PCDHA12: variants seen among roughly 807,000 people sequenced by gnomAD.
PCDHA12 encodes the protein protocadherin alpha-12.
A neutral mutation model predicts 60.0 loss-of-function variants in PCDHA12; 44 were observed. The observed-to-expected ratio is 0.73, with a 90% CI of 0.58 to 0.94. The LOEUF is 0.94. PCDHA12 is among the 40% of genes least tolerant of loss of function. The pLI is 0.00. For missense variants in PCDHA12, 1,276 were observed against 1,239.7 expected (o/e 1.03, Z -0.44); for synonymous variants, 569 against 553.0 (o/e 1.03, Z -0.40).
intron 1 of PCDHA12, among the ~76,000 whole-genome samples, chr5:140,902,333 T>C (rs1248113110): frequency 6.6e-6 from 1 of 151,758 alleles, no homozygotes; most frequent in Non-Finnish European, 1.5e-5. Context: ...TCACTTCGCC[T>C]GGCCTAGGAA....
chr5:140,957,327 A>G (rs1554222920), intron 1 of PCDHA12, among the ~76,000 whole-genome samples: 1 of 152,182 alleles, frequency 6.6e-6, no homozygotes, highest in East Asian at 1.9e-4. Context: ...AGCACAGTAC[A>G]GTAAGATATT....
intron 1 of PCDHA12, among the ~76,000 whole-genome samples, chr5:140,900,829 A>G (rs2068324648): frequency 6.6e-6 from 1 of 152,110 alleles, no homozygotes; most frequent in Non-Finnish European, 1.5e-5. Context: ...TCCCACCAAC[A>G]ATGTACAAAG....
chr5:140,978,406 T>C (rs1268497033), intron 1 of PCDHA12, among the ~76,000 whole-genome samples: 1 of 152,206 alleles, frequency 6.6e-6, no homozygotes, highest in African/African-American at 2.4e-5. Context: ...CCCTCTTCAA[T>C]CAGAAAAGAG....
At chr5:140,955,397 A>T (rs1470827673) in intron 1 of PCDHA12, among the ~76,000 whole-genome samples, 19 of 152,128 alleles carry the variant, frequency 1.2e-4, no homozygotes, top group Admixed American at 1.1e-3. Context: ...CAATTATCCC[A>T]TACAGTTCTC....
At chr5:140,981,191 G>A (rs2096922052) in intron 2 of PCDHA12, among the ~76,000 whole-genome samples, 2 of 152,178 alleles carry the variant, frequency 1.3e-5, no homozygotes, top group South Asian at 4.1e-4. Context: ...AAGTTTGCCT[G>A]CTCTGTTGCC....
At position 140,967,080 on chromosome 5, in the gene PCDHA12, T is replaced by C. The variant is rs781942171; in HGVS notation, c.2368-11869T>C. On this transcript the variant is annotated intron_variant, in intron 1 of 3. Transcript: ENST00000398631. The stretch of plus-strand genomic sequence containing the variant: ...GGAGCGCTCTTCGTCAACGAGCGCA[T>C]TGATCGGGAGGCGCTGTGTGAGCAG... 168 of 1,613,222 alleles carry C rather than the reference T, an allele frequency of 1.0e-4. No homozygotes were observed. The highest frequency in any genetic ancestry group is 3.7e-4 in the Admixed American group (22 of 60,010).
chr5:140,889,120 T>G (rs1335268200), intron 1 of PCDHA12, among the ~76,000 whole-genome samples: 1 of 151,966 alleles, frequency 6.6e-6, no homozygotes, highest in Non-Finnish European at 1.5e-5. Context: ...CAGGTGATAC[T>G]GATATGTCCT....
chr5:140,981,407 C>G (rs1410838924), intron 2 of PCDHA12, among the ~76,000 whole-genome samples: 1 of 152,042 alleles, frequency 6.6e-6, no homozygotes, highest in Non-Finnish European at 1.5e-5. Flanking sequence ...AAACCTGTCT[C>G]TACTAAAAAT....
intron 3 of PCDHA12, among the ~76,000 whole-genome samples, chr5:140,993,683 G>A (rs2097577653): frequency 6.6e-6 from 1 of 152,080 alleles, no homozygotes; most frequent in Non-Finnish European, 1.5e-5. Flanking sequence ...TGTGACAGCT[G>A]TCCCATAAGA....
At chr5:140,887,442 T>C (rs2061450115) in intron 1 of PCDHA12, among the ~76,000 whole-genome samples, 1 of 152,180 alleles carries the variant, frequency 6.6e-6, no homozygotes, top group Non-Finnish European at 1.5e-5. Context: ...CTGGGCATAG[T>C]TGACAGTTTT....
At chr5:140,909,101 G>C (rs1242179195) in intron 1 of PCDHA12, among the ~76,000 whole-genome samples, 1 of 152,122 alleles carries the variant, frequency 6.6e-6, no homozygotes, top group Non-Finnish European at 1.5e-5. Flanking sequence ...CACTCACTGG[G>C]TCCAATCAGC....
chr5:140,919,649 T>C (rs1252944920), intron 1 of PCDHA12, among the ~76,000 whole-genome samples: 1 of 152,202 alleles, frequency 6.6e-6, no homozygotes, highest in African/African-American at 2.4e-5. Flanking sequence ...TTCTCTAGAG[T>C]TTACCATATA....
chr5:140,883,822 C>T, intron 1 of PCDHA12: 2 of 1,612,484 alleles, frequency 1.2e-6, no homozygotes, highest in Non-Finnish European at 1.7e-6. Flanking sequence ...GCAAGGTGTA[C>T]GCGCTGCAGC....
chr5:140,932,875 T>G (rs935730456), intron 1 of PCDHA12, among the ~76,000 whole-genome samples: 9 of 151,998 alleles, frequency 5.9e-5, no homozygotes, highest in African/African-American at 1.7e-4. Flanking sequence ...TTTGTTGTCT[T>G]CAATATTTTC....
rs1462172871 is a variant in PCDHA12 at position 140,876,767 on chromosome 5, C to G, written c.1295C>G (p.Ser432Trp). The change falls in exon 1 of 4, where the codon TCG becomes TGG. Residue 432 changes from serine (S) to tryptophan (W), a missense_variant. Transcript: ENST00000398631. ...GTGGTGACTGCGCGGGATGGGGGCT[C>G]GCCTTCGCTGTGGGCCACGGCTAGA... ...ELVVTARDGG[S>W]PSLWATARVS... The G allele has an allele frequency of 6.2e-7, 1 of 1,614,076 alleles. No homozygotes were observed.
At chr5:140,926,129 G>C (rs2082926412) in intron 1 of PCDHA12, among the ~76,000 whole-genome samples, 1 of 152,178 alleles carries the variant, frequency 6.6e-6, no homozygotes, top group African/African-American at 2.4e-5. Flanking sequence ...ACTTCAACCC[G>C]CAGCAGGATC....
At chr5:140,966,892 C>G (rs782364150) in intron 1 of PCDHA12, 4 of 1,595,414 alleles carry the variant, frequency 2.5e-6, no homozygotes, top group South Asian at 1.1e-5. Flanking sequence ...CTGCGGCCTC[C>G]CAGCTGCGAT....
chr5:141,007,935 C>G (rs2098352677), intron 3 of PCDHA12, among the ~76,000 whole-genome samples: 1 of 152,176 alleles, frequency 6.6e-6, no homozygotes, highest in African/African-American at 2.4e-5. Flanking sequence ...GAATTCTAAG[C>G]CACCTTTTTG....
chr5:140,905,152 G>T (rs2071629879), intron 1 of PCDHA12, among the ~76,000 whole-genome samples: 1 of 152,154 alleles, frequency 6.6e-6, no homozygotes. Context: ...TTATATTTTA[G>T]AATTTTCATG....
Sources: allele counts gnomAD v4.1 joint callset (sites outside exome capture counted in the v4.1 genomes callset), GRCh38; gene constraint gnomAD v4.1.1; transcripts MANE v1.5; gene names NCBI Gene and HGNC (gene_info 2026-07-23, HGNC 2026-07-21).